ZC3H12B: variants seen among roughly 807,000 people sequenced by gnomAD.
ZC3H12B encodes the protein probable ribonuclease ZC3H12B.
A neutral mutation model predicts 43.9 loss-of-function variants in ZC3H12B; 7 were observed. The observed-to-expected ratio is 0.16, with a 90% CI of 0.09 to 0.30. The LOEUF is 0.30. Ranked by LOEUF, ZC3H12B falls within the 10% of genes least tolerant of loss-of-function variation. The probability of loss-of-function intolerance (pLI) is 1.00; values close to 1 mark genes in which losing one functional copy is unlikely to be tolerated. For missense variants in ZC3H12B, 475 were observed against 670.2 expected (o/e 0.71, Z 3.22); for synonymous variants, 222 against 241.7 (o/e 0.92, Z 0.76).
the ZC3H12B span, among the ~76,000 whole-genome samples, chrX:65,035,732 T>A: frequency 6.3e-5 from 7 of 111,058 alleles, no homozygotes; most frequent in African/African-American, 2.3e-4. Flanking sequence ...CCCCTTACTT[T>A]TCAGTGTTGT....
chrX:65,258,570 C>G, the ZC3H12B span, among the ~76,000 whole-genome samples: 10 of 111,410 alleles, frequency 9.0e-5, no homozygotes, highest in South Asian at 3.7e-4. Flanking sequence ...TTAGCCACAG[C>G]AATCAGGCAA....
chrX:65,190,020 A>G, the ZC3H12B span, among the ~76,000 whole-genome samples: 1 of 111,358 alleles, frequency 9.0e-6, no homozygotes, highest in African/African-American at 3.3e-5. Context: ...ACATATGGCT[A>G]TCCAGTTTCC....
chrX:65,215,728 G>C, the ZC3H12B span, among the ~76,000 whole-genome samples: 1 of 111,678 alleles, frequency 9.0e-6, no homozygotes, highest in Admixed American at 9.6e-5. Context: ...ACTGCTAACT[G>C]TTTGGCAGAA....
In ZC3H12B at chrX:65,430,897, A is replaced by T. The variant is rs182405494; in HGVS notation, n.407+32193A>T. On this transcript the variant is annotated intron_variant and non_coding_transcript_variant, in intron 3 of 5. Transcript: ENST00000617377. ...TCTCCATAGGTTGAGTTGTTTGCCT[A>T]ATCAGTCCCAATGCAAGAATCAGGA... Among the ~76,000 whole-genome samples, 43 of 111,040 alleles carry T rather than the reference A, an allele frequency of 3.9e-4. 1 individual carries two copies. The East Asian group carries it at 7.5e-3, about 19-fold the overall frequency.
chrX:65,079,614 A>C, the ZC3H12B span, among the ~76,000 whole-genome samples: 1 of 112,649 alleles, frequency 8.9e-6, no homozygotes, highest in Non-Finnish European at 1.9e-5. Context: ...ATCTTGTCCA[A>C]GACCATCAAG....
the ZC3H12B span, among the ~76,000 whole-genome samples, chrX:65,084,202 A>T: frequency 1.8e-5 from 2 of 111,978 alleles, no homozygotes; most frequent in Non-Finnish European, 3.8e-5. Flanking sequence ...GTCTGGGCAA[A>T]GATTTTTTGA....
chrX:65,332,100 G>T, the ZC3H12B span, among the ~76,000 whole-genome samples: 33 of 110,655 alleles, frequency 3.0e-4, 2 homozygotes, highest in Non-Finnish European at 4.4e-4. Flanking sequence ...ATTTTACCCA[G>T]CCCCTATTCA....
chrX:65,194,379 A>C, the ZC3H12B span, among the ~76,000 whole-genome samples: 3 of 107,555 alleles, frequency 2.8e-5, no homozygotes, highest in Non-Finnish European at 5.7e-5. Flanking sequence ...ATGTACCCTA[A>C]AACTTAAAGT....
chrX:65,408,545 A>G, intron 3 of ZC3H12B: 1 of 1,200,890 alleles, frequency 8.3e-7, no homozygotes, highest in Non-Finnish European at 1.1e-6. Flanking sequence ...GCCTCCTGGA[A>G]TCCCGCCCCT....
At chrX:65,272,839 G>T in the ZC3H12B span, 1 of 112,010 alleles carries the variant, frequency 8.9e-6, no homozygotes, top group African/African-American at 3.3e-5. Flanking sequence ...TTCTTCATTA[G>T]CAGAAATAGG....
At position 65,408,800 on chromosome X, in the gene ZC3H12B, C is replaced by A. The variant is rs374028741; in HGVS notation, n.407+10096C>A. The A allele has an allele frequency of 8.7e-5, 37 of 426,781 alleles. No homozygotes were observed. In the South Asian group the frequency reaches 1.5e-3, roughly 18 times the overall value. 35.2% of individuals were successfully genotyped at this position (426,781 alleles called of 1,213,427 possible). A position where few individuals can be genotyped will look rare whatever the true frequency, so the allele number is the denominator to read the frequency against. ...AGAGGAACTGTCTCAAAGCTTTCCA[C>A]TGAAACACAGGTCACCCTGGAAGTT... On this transcript the variant is annotated intron_variant and non_coding_transcript_variant, in intron 3 of 5. Transcript: ENST00000617377.
At chrX:65,468,485 C>CT (rs756168806) in intron 3 of ZC3H12B, among the ~76,000 whole-genome samples, 1,057 of 88,042 alleles carry the variant, frequency 0.012, 14 homozygotes, top group East Asian at 0.05. Flanking sequence ...TTCTTTCTTT[C>CT]TTTTTTTTTT....
At chrX:65,305,077 G>A in the ZC3H12B span, among the ~76,000 whole-genome samples, 1 of 111,878 alleles carries the variant, frequency 8.9e-6, no homozygotes. Context: ...TCTCATTAAA[G>A]AAATGCAATT....
At chrX:65,112,057 T>A in the ZC3H12B span, among the ~76,000 whole-genome samples, 1 of 112,272 alleles carries the variant, frequency 8.9e-6, no homozygotes, top group African/African-American at 3.2e-5. Context: ...AAAAGTTCTT[T>A]AAAGAAATTA....
At chrX:65,413,124 A>AT (rs1238531754) in intron 3 of ZC3H12B, among the ~76,000 whole-genome samples, 3 of 109,593 alleles carry the variant, frequency 2.7e-5, no homozygotes, top group South Asian at 3.9e-4. Flanking sequence ...TCCTTTCCCC[A>AT]TTTTTTTTAA....
chrX:65,493,258 T>C (rs2068230545), intron 1 of ZC3H12B, among the ~76,000 whole-genome samples: 1 of 109,935 alleles, frequency 9.1e-6, no homozygotes, highest in Non-Finnish European at 1.9e-5. Flanking sequence ...AATACAAAAA[T>C]TAGCCGGGTG....
intron 3 of ZC3H12B, among the ~76,000 whole-genome samples, chrX:65,467,990 G>T (rs887527899): frequency 5.4e-5 from 6 of 111,982 alleles, no homozygotes; most frequent in African/African-American, 1.9e-4. Flanking sequence ...TGTTGTAGTT[G>T]CATTTGTTTT....
rs748959741 is a variant in ZC3H12B, at chrX:65,475,849, C to T, written n.408-12797C>T. Reference sequence around the variant, plus strand: ...ACAAGAACAGCATGGGAAACACCCACCCCCGTGATTGAATTACCTCCCACT... The same window carrying T: ...ACAAGAACAGCATGGGAAACACCCATCCCCGTGATTGAATTACCTCCCACT... On this transcript the variant is annotated intron_variant and non_coding_transcript_variant, in intron 3 of 5. Transcript: ENST00000617377. Among the ~76,000 whole-genome samples, 4 of 111,768 alleles carry T rather than the reference C, an allele frequency of 3.6e-5. No individual in the cohort carries two copies. In the East Asian group the frequency reaches 1.1e-3, roughly 32 times the overall value.
At chrX:65,176,588 G>A in the ZC3H12B span, among the ~76,000 whole-genome samples, 3 of 111,332 alleles carry the variant, frequency 2.7e-5, no homozygotes, top group African/African-American at 9.8e-5. Flanking sequence ...AAAAACTGAT[G>A]GAGGGGATAA....
Sources: gnomAD v4.1 joint callset for allele counts (sites outside exome capture counted in the v4.1 genomes callset) on GRCh38, gnomAD v4.1.1 for gene constraint, MANE v1.5 for transcripts, NCBI Gene and HGNC (gene_info 2026-07-23, HGNC 2026-07-21) for gene names.